PCDHGA2: variants seen among roughly 807,000 people sequenced by gnomAD.
PCDHGA2 encodes the protein protocadherin gamma-A2.
In PCDHGA2, 40 loss-of-function variants were observed where a neutral mutation model predicts 59.2. The observed-to-expected ratio is 0.68, with a 90% CI of 0.52 to 0.88. The LOEUF is 0.88. Ranked by LOEUF, PCDHGA2 falls within the 40% of genes least tolerant of loss-of-function variation. PCDHGA2 has a pLI of 0.00. For missense variants in PCDHGA2, 1,226 were observed against 1,204.0 expected (o/e 1.02, Z -0.27); for synonymous variants, 560 against 526.0 (o/e 1.06, Z -0.89).
intron 1 of PCDHGA2, among the ~76,000 whole-genome samples, chr5:141,466,815 A>G (rs1019952491): frequency 1.3e-5 from 2 of 152,182 alleles, no homozygotes; most frequent in Non-Finnish European, 2.9e-5. Flanking sequence ...CAGACATGGT[A>G]TAACAAGTTA....
At chr5:141,469,885 C>A (rs1464434089) in intron 1 of PCDHGA2, among the ~76,000 whole-genome samples, 3 of 152,204 alleles carry the variant, frequency 2.0e-5, no homozygotes, top group African/African-American at 4.8e-5. Context: ...AATCTCGGCA[C>A]TTTGGGAAGC....
chr5:141,421,861 C>T, intron 1 of PCDHGA2: 2 of 1,613,738 alleles, frequency 1.2e-6, no homozygotes, highest in South Asian at 2.2e-5. Flanking sequence ...TCACCTGCTC[C>T]TCCTCACAGC....
Position 141,393,196 on chromosome 5 carries a change from A to G in PCDHGA2, c.2424+51801A>G, listed in dbSNP as rs369051018. 9.7e-5 allele frequency: 157 copies of G among 1,613,374 alleles called. No individual in the cohort carries two copies. The highest frequency in any genetic ancestry group is 1.3e-4 in the Non-Finnish European group (149 of 1,179,898). On this transcript the variant is annotated intron_variant, in intron 1 of 3. Coordinates refer to ENST00000394576, the MANE Select transcript of PCDHGA2 (RefSeq NM_018915.4). ...GAAATAGAAATAATTGATATTAACG[A>G]TAATAACCCAAAATTCCAGGTCGAA...
intron 1 of PCDHGA2, among the ~76,000 whole-genome samples, chr5:141,463,025 T>G (rs2099051289): frequency 6.6e-6 from 1 of 152,202 alleles, no homozygotes; most frequent in Non-Finnish European, 1.5e-5. Flanking sequence ...ACTTTTTTGA[T>G]TAATCTGAGT....
chr5:141,375,688 C>A, intron 1 of PCDHGA2: 2 of 1,614,256 alleles, frequency 1.2e-6, no homozygotes, highest in South Asian at 2.2e-5. Flanking sequence ...TGACAGCCAG[C>A]GACAGCGGGG....
chr5:141,474,153 A>G (rs1424442765), intron 1 of PCDHGA2, among the ~76,000 whole-genome samples: 3 of 152,254 alleles, frequency 2.0e-5, no homozygotes, highest in Non-Finnish European at 4.4e-5. Flanking sequence ...TATCAAGAAA[A>G]TGACAGGCCT....
At chr5:141,404,762 C>T (rs1466259455) in intron 1 of PCDHGA2, 1 of 1,613,828 alleles carries the variant, frequency 6.2e-7, no homozygotes, top group East Asian at 2.2e-5. Flanking sequence ...GAATGCTTGG[C>T]TCTCCTACCG....
rs773942024 is a variant in PCDHGA2, at chr5:141,433,234, C to G, written c.2425-61573C>G. 3.3e-6 allele frequency: 5 copies of G among 1,512,860 alleles called. No homozygotes were observed. In the South Asian group the frequency reaches 5.0e-5, roughly 15 times the overall value. The allele number at this position is 1,512,860 out of a possible 1,614,324, so 93.7% of individuals were successfully genotyped here. A position where few individuals can be genotyped will look rare whatever the true frequency, so the allele number is the denominator to read the frequency against. On this transcript the variant is annotated intron_variant, in intron 1 of 3. Coordinates refer to ENST00000394576, the MANE Select transcript of PCDHGA2 (RefSeq NM_018915.4). ...TTTTTTTTTTTTAATTGCTCTGTCT[C>G]CCAAGCTGGAATGCAGCGGTACGAT...
At chr5:141,366,203 G>C in intron 1 of PCDHGA2, 3 of 1,613,862 alleles carry the variant, frequency 1.9e-6, no homozygotes, top group Non-Finnish European at 2.5e-6. Flanking sequence ...GCACACGGGC[G>C]AGGTGCGCAC....
At chr5:141,370,696 C>T in intron 1 of PCDHGA2, 2 of 1,613,694 alleles carry the variant, frequency 1.2e-6, no homozygotes, top group Non-Finnish European at 1.7e-6. Context: ...AAGAAGTCGA[C>T]GTGTGTTCTG....
Position 141,351,701 on chromosome 5 carries a change from G to A in PCDHGA2, c.2424+10306G>A, listed in dbSNP as rs1758792333. 1.9e-6 allele frequency: 3 copies of A among 1,613,926 alleles called. No homozygotes were observed. Among genetic ancestry groups the A allele is most frequent in the African/African-American group, 2.7e-5 (2 of 75,066 alleles). The stretch of plus-strand genomic sequence containing the variant: ...CTCCGACCCGGATTTGGGACCCAAC[G>A]GCAGAGTCTCCTACTCTATTCTGGC... On this transcript the variant is annotated intron_variant, in intron 1 of 3. Transcript: ENST00000394576.
chr5:141,419,632 G>A (rs1210031265), intron 1 of PCDHGA2: 1 of 1,612,432 alleles, frequency 6.2e-7, no homozygotes, highest in Admixed American at 1.7e-5. Flanking sequence ...TGACCAAGGT[G>A]GTGGCCGTGG....
intron 1 of PCDHGA2, among the ~76,000 whole-genome samples, chr5:141,387,508 G>T (rs537615944): frequency 6.7e-4 from 102 of 152,312 alleles, no homozygotes; most frequent in African/African-American, 2.3e-3. Context: ...ATTTTTAGAC[G>T]TCATTAAATA....
rs1053132512 is a variant in PCDHGA2 at position 141,409,714 on chromosome 5, C to A, written c.2424+68319C>A. The A allele has an allele frequency of 3.7e-6, 6 of 1,613,108 alleles. No individual in the cohort carries two copies. The African/African-American group carries it at 8.0e-5, about 22-fold the overall frequency. On this transcript the variant is annotated intron_variant, in intron 1 of 3. Transcript: ENST00000394576. ...TAGAGCCCCTGGCGGTGTCGTCATACGTGTCAGTGAGCGCGCAGAGCGGGG... is the reference window on the plus strand; with the variant it reads ...TAGAGCCCCTGGCGGTGTCGTCATAAGTGTCAGTGAGCGCGCAGAGCGGGG...
chr5:141,365,164 C>T lies in PCDHGA2; in HGVS notation c.2424+23769C>T, dbSNP rs548514157. The T allele has an allele frequency of 2.2e-5, 35 of 1,613,882 alleles. No individual in the cohort carries two copies. The East Asian group carries it at 7.1e-4, about 33-fold the overall frequency. On this transcript the variant is annotated intron_variant, in intron 1 of 3. Coordinates refer to ENST00000394576, the MANE Select transcript of PCDHGA2 (RefSeq NM_018915.4). ...ATGAGGGAATAAACGGGAAATTGAC[C>T]TACTCTTTTCGCAATGAAGAAGAAA...
chr5:141,364,618 C>A (rs373148081), intron 1 of PCDHGA2: 2 of 1,614,140 alleles, frequency 1.2e-6, no homozygotes, highest in South Asian at 1.1e-5. Flanking sequence ...AGGAGCTCTG[C>A]GCTCAGAGCC....
intron 1 of PCDHGA2, among the ~76,000 whole-genome samples, chr5:141,448,669 G>T: frequency 6.6e-6 from 1 of 152,136 alleles, no homozygotes; most frequent in East Asian, 1.9e-4. Flanking sequence ...GGCCGGGCGC[G>T]GTGGCTCACG....
chr5:141,477,656 C>A lies in PCDHGA2; in HGVS notation c.2425-17151C>A. ...AGTGGGTCGCTATTTCACAATAAAT[C>A]GTGACAATGGCATAGTGTCATCCTT... On this transcript the variant is annotated intron_variant, in intron 1 of 3. Transcript: ENST00000394576. The surrounding 1 kb of genome is among the most constrained non-coding windows in gnomAD (Gnocchi z 4.9). 1 of 1,614,184 alleles carries A rather than the reference C, an allele frequency of 6.2e-7. No homozygotes were observed.
chr5:141,413,150 T>C, intron 1 of PCDHGA2: 1 of 1,573,292 alleles, frequency 6.4e-7, no homozygotes. Context: ...AGTGAGGACT[T>C]TGCAGAATTC....
Sources: gnomAD v4.1 joint callset for allele counts (sites outside exome capture counted in the v4.1 genomes callset) on GRCh38, gnomAD v4.1.1 for gene constraint, Gnocchi (gnomAD v3.1) non-coding constraint, MANE v1.5 for transcripts, NCBI Gene and HGNC (gene_info 2026-07-23, HGNC 2026-07-21) for gene names.